The following GPD1L variants were observed in gnomAD, a reference collection of about 807,000 sequenced individuals.
The protein encoded by GPD1L is glycerol-3-phosphate dehydrogenase 1-like protein.
A neutral mutation model predicts 32.9 loss-of-function variants in GPD1L; 17 were observed. The ratio of observed to expected loss-of-function variants is 0.52; its 90% confidence interval spans 0.35 to 0.78. The LOEUF is 0.78. GPD1L is among the 30% of genes least tolerant of loss of function. The pLI, the probability that GPD1L is intolerant of heterozygous loss-of-function variation, is 0.01. For synonymous variants in GPD1L, 187 were observed against 165.9 expected (o/e 1.13, Z -0.98); for missense variants, 361 against 447.8 (o/e 0.81, Z 1.75).
chr3:32,123,831 TAGATAGATAGACAGAC>T (rs780768932), intron 1 of GPD1L, among the ~76,000 whole-genome samples: 3,450 of 145,500 alleles, frequency 0.024, 42 homozygotes, highest in Admixed American at 0.031. Flanking sequence ...GATAGATAGA[TAGATAGATAGACAGAC>T]AGATAAGACC....
intron 1 of GPD1L, among the ~76,000 whole-genome samples, chr3:32,115,670 T>C (rs1412287872): frequency 6.8e-6 from 1 of 147,082 alleles, no homozygotes; most frequent in Non-Finnish European, 1.5e-5. Flanking sequence ...GACAGAAATA[T>C]CCCCAAGCTG....
intron 1 of GPD1L, among the ~76,000 whole-genome samples, chr3:32,122,252 G>A (rs981356483): frequency 1.3e-5 from 2 of 148,302 alleles, no homozygotes; most frequent in African/African-American, 5.3e-5. Context: ...CACTACAATA[G>A]GGCAAATATG....
intron 2 of GPD1L, among the ~76,000 whole-genome samples, chr3:32,132,763 G>A (rs997727733): frequency 6.6e-6 from 1 of 152,178 alleles, no homozygotes; most frequent in Non-Finnish European, 1.5e-5. Flanking sequence ...TGGTTCAGGA[G>A]CCATGCTTTG....
intron 5 of GPD1L, among the ~76,000 whole-genome samples, chr3:32,149,115 A>G (rs1240631187): frequency 6.6e-6 from 1 of 152,220 alleles, no homozygotes. Context: ...GACTGAGTGC[A>G]GTGGCACAAT....
chr3:32,134,422 G>A (rs1308310339), intron 2 of GPD1L, among the ~76,000 whole-genome samples: 2 of 152,160 alleles, frequency 1.3e-5, no homozygotes, highest in African/African-American at 4.8e-5. Context: ...GTTCCTCTTT[G>A]ATTTATTAAG....
chr3:32,113,141 C>T (rs1418677161), intron 1 of GPD1L, among the ~76,000 whole-genome samples: 5 of 140,122 alleles, frequency 3.6e-5, no homozygotes, highest in Non-Finnish European at 7.5e-5. Context: ...TTCAGTTTCC[C>T]ACCAATGTAG....
rs1157584271 is a variant in GPD1L at position 32,152,861 on chromosome 3, CAGACAA to C, written c.619-6011_619-6006del. On this transcript the variant is annotated intron_variant, in intron 5 of 7. Coordinates refer to ENST00000282541, the MANE Select transcript of GPD1L (RefSeq NM_015141.4). ...AGAAAGAAAGAAAAAAAAAAAAAGA[CAGACAA>C]AGAGCACGTGGCAGCTATCTTTCAA... 3.0e-3 allele frequency among the ~76,000 whole-genome samples: 180 copies of C among 59,026 alleles called. 1 individual carries two copies. Among genetic ancestry groups the C allele is most frequent in the African/African-American group, 0.019 (174 of 9,276 alleles). 38.7% of individuals were successfully genotyped at this position (59,026 alleles called of 152,430 possible).
intron 5 of GPD1L, among the ~76,000 whole-genome samples, chr3:32,152,585 T>A (rs999285461): frequency 1.3e-5 from 2 of 151,576 alleles, no homozygotes; most frequent in African/African-American, 4.9e-5. Flanking sequence ...ACTCCCGGAG[T>A]CTTTTTTCTA....
chr3:32,145,512 C>T (rs1288204177), intron 4 of GPD1L, among the ~76,000 whole-genome samples: 2 of 152,100 alleles, frequency 1.3e-5, no homozygotes, highest in Non-Finnish European at 2.9e-5. Flanking sequence ...CCTTCCCCTG[C>T]CCATTCCTCA....
At chr3:32,159,132 G>A (rs373232915) in intron 6 of GPD1L, 23 bp downstream of exon 6, 53 of 1,555,130 alleles carry the variant, frequency 3.4e-5, no homozygotes, top group Non-Finnish European at 4.2e-5. Context: ...CTGCTCTCCC[G>A]CACCCCCTCC....
intron 7 of GPD1L, among the ~76,000 whole-genome samples, chr3:32,161,175 C>G (rs1037084454): frequency 8.5e-5 from 13 of 152,166 alleles, no homozygotes; most frequent in African/African-American, 3.1e-4. Context: ...CAGCACCCCT[C>G]CTCCTTTTAC....
chr3:32,117,277 A>G (rs953455182), intron 1 of GPD1L, among the ~76,000 whole-genome samples: 2 of 152,246 alleles, frequency 1.3e-5, no homozygotes, highest in African/African-American at 2.4e-5. Context: ...CCATCTGCAT[A>G]TATGTTGGTG....
At chr3:32,140,100 C>CTAAA (rs1233241156) in intron 3 of GPD1L, 128 bp from the exon 4 acceptor site, 2 of 872,978 alleles carry the variant, frequency 2.3e-6, no homozygotes, top group Non-Finnish European at 3.9e-6. Flanking sequence ...TGTACATAGG[C>CTAAA]AGTATAGATG....
intron 1 of GPD1L, among the ~76,000 whole-genome samples, chr3:32,111,874 G>A (rs561592290): frequency 1.3e-5 from 2 of 149,646 alleles, no homozygotes; most frequent in East Asian, 2.0e-4. Context: ...CTGTTCATCC[G>A]CCCTGGGCAC....
At position 32,111,539 on chromosome 3, in the gene GPD1L, A is replaced by G. The variant is rs541397624; in HGVS notation, c.47+4781A>G. Among the ~76,000 whole-genome samples the G allele has an allele frequency of 7.9e-5, 12 of 152,270 alleles. No homozygotes were observed. The South Asian group carries it at 2.1e-3, about 26-fold the overall frequency. On this transcript the variant is annotated intron_variant, in intron 1 of 7. Transcript: ENST00000282541. ...TCAGTAAATGACAGTTGCTATTAGT[A>G]TTATTAGTTTCATCATCCTTGATGG... is the stretch of plus-strand genomic sequence containing the variant.
At chr3:32,125,195 G>C (rs941917156) in intron 1 of GPD1L, among the ~76,000 whole-genome samples, 14 of 152,090 alleles carry the variant, frequency 9.2e-5, no homozygotes, top group African/African-American at 3.4e-4. Context: ...CAATCCCTGG[G>C]TGGCAAATCC....
chr3:32,125,146 G>A (rs1324055444), intron 1 of GPD1L, among the ~76,000 whole-genome samples: 1 of 152,062 alleles, frequency 6.6e-6, no homozygotes, highest in African/African-American at 2.4e-5. Flanking sequence ...CTTCAGCACT[G>A]AACACTACCG....
chr3:32,152,310 C>T (rs1700930480), intron 5 of GPD1L, among the ~76,000 whole-genome samples: 1 of 152,150 alleles, frequency 6.6e-6, no homozygotes, highest in Non-Finnish European at 1.5e-5. Flanking sequence ...ATAGAATTCG[C>T]AGGGATCCAG....
chr3:32,124,577 G>T (rs1294754544), intron 1 of GPD1L, among the ~76,000 whole-genome samples: 2 of 152,160 alleles, frequency 1.3e-5, no homozygotes, highest in African/African-American at 2.4e-5. Context: ...TATACTTTTT[G>T]ATTTTTTATA....
Sources: allele counts gnomAD v4.1 joint callset (sites outside exome capture counted in the v4.1 genomes callset), GRCh38; gene constraint gnomAD v4.1.1; transcripts MANE v1.5; gene names NCBI Gene and HGNC (gene_info 2026-07-23, HGNC 2026-07-21).